The following SLC7A11 variants were observed in gnomAD, a reference collection of about 807,000 sequenced individuals.
SLC7A11 encodes the protein solute carrier family 7 member 11.
In SLC7A11, 35 loss-of-function variants were observed where a neutral mutation model predicts 54.5. The observed-to-expected ratio is 0.64, with a 90% CI of 0.49 to 0.85. The LOEUF (loss-of-function observed/expected upper bound fraction) is 0.85, where lower values mean the gene tolerates loss of function less well. SLC7A11 is among the 40% of genes least tolerant of loss of function. The probability of loss-of-function intolerance (pLI) is 0.00; values close to 1 mark genes in which losing one functional copy is unlikely to be tolerated. For missense variants in SLC7A11, 583 were observed against 618.1 expected, an observed-to-expected ratio of 0.94 and a Z score of 0.60; for synonymous variants, 230 against 225.2, an observed-to-expected ratio of 1.02 and a Z score of -0.19.
At chr4:138,186,844 A>T (rs1251368950) in intron 6 of SLC7A11, among the ~76,000 whole-genome samples, 3 of 152,164 alleles carry the variant, frequency 2.0e-5, no homozygotes, top group Non-Finnish European at 4.4e-5. Context: ...CACTCAGTGT[A>T]TTATTTTGAC....
chr4:138,237,282 C>T (rs879657361), intron 1 of SLC7A11, among the ~76,000 whole-genome samples: 6 of 151,348 alleles, frequency 4.0e-5, no homozygotes, highest in African/African-American at 7.3e-5. Context: ...CCACTGTGCA[C>T]GGCCAAGATT....
intron 11 of SLC7A11, among the ~76,000 whole-genome samples, chr4:138,178,519 A>T (rs1395660088): frequency 6.6e-6 from 1 of 152,112 alleles, no homozygotes; most frequent in African/African-American, 2.4e-5. Flanking sequence ...TACTGGGTCA[A>T]ATGATATTTC....
At chr4:138,188,225 G>A (rs1215553308) in intron 6 of SLC7A11, among the ~76,000 whole-genome samples, 2 of 152,092 alleles carry the variant, frequency 1.3e-5, no homozygotes, top group Admixed American at 1.3e-4. Context: ...ACTATACCCA[G>A]CTAATTTTTT....
chr4:138,213,139 A>T (rs1273334578), intron 6 of SLC7A11, among the ~76,000 whole-genome samples: 5 of 152,038 alleles, frequency 3.3e-5, no homozygotes, highest in Non-Finnish European at 7.4e-5. Flanking sequence ...GTCATTTCCA[A>T]GTAACGCTTA....
intron 3 of SLC7A11, among the ~76,000 whole-genome samples, chr4:138,226,026 T>C (rs1344718542): frequency 2.0e-5 from 3 of 152,154 alleles, no homozygotes; most frequent in African/African-American, 7.2e-5. Context: ...ACCTAATGTC[T>C]ATTGAAATAT....
intron 5 of SLC7A11, among the ~76,000 whole-genome samples, chr4:138,218,767 C>G (rs1417409620): frequency 6.6e-6 from 1 of 152,088 alleles, no homozygotes; most frequent in South Asian, 2.1e-4. Flanking sequence ...ATCTTGGTTT[C>G]TCTTTCTCTG....
Position 138,236,322 on chromosome 4 carries a change from T to TA in SLC7A11, c.404+2dup. On this transcript the variant is annotated splice_region_variant and intron_variant, in intron 2 of 11. Transcript: ENST00000280612. ...TTCTTAATTCTTTCTACTATGCTCT[T>TA]ACCGTATTATGAGGAGTTCCACCCA... is the stretch of plus-strand genomic sequence containing the variant. 6.2e-7 allele frequency: 1 copy of TA among 1,603,730 alleles called. No individual in the cohort carries two copies. Among genetic ancestry groups the TA allele is most frequent in the Non-Finnish European group, 8.5e-7 (1 of 1,176,952 alleles).
At chr4:138,189,070 G>T (rs773125296) in intron 6 of SLC7A11, among the ~76,000 whole-genome samples, 4 of 152,018 alleles carry the variant, frequency 2.6e-5, no homozygotes, top group Non-Finnish European at 4.4e-5. Flanking sequence ...TTTTAAATTG[G>T]CACTTACAAC....
chr4:138,192,184 A>G (rs879317941), intron 6 of SLC7A11, among the ~76,000 whole-genome samples: 8 of 152,174 alleles, frequency 5.3e-5, no homozygotes, highest in Non-Finnish European at 1.0e-4. Context: ...TTTCCAAAGT[A>G]TAAGTTATTT....
chr4:138,208,532 C>A (rs1737463786), intron 6 of SLC7A11, among the ~76,000 whole-genome samples: 1 of 151,820 alleles, frequency 6.6e-6, no homozygotes, highest in African/African-American at 2.4e-5. Flanking sequence ...ATAGTCACCA[C>A]AAAAGTCATG....
At position 138,223,192 on chromosome 4, in the gene SLC7A11, T is replaced by C. The variant is rs1305235750; in HGVS notation, c.646+7A>G. On this transcript the variant is annotated splice_region_variant and intron_variant, in intron 4 of 11. Transcript: ENST00000280612. ...ATTTTAAAAAGCATTTGCTTTTCAG[T>C]CCATACCTTTAATTAGCTGCATAAC... The C allele has an allele frequency of 6.2e-7, 1 of 1,611,482 alleles. No homozygotes were observed. Among genetic ancestry groups the C allele is most frequent in the South Asian group, 1.1e-5 (1 of 90,944 alleles).
At chr4:138,221,541 A>G (rs987632653) in intron 4 of SLC7A11, among the ~76,000 whole-genome samples, 1 of 152,210 alleles carries the variant, frequency 6.6e-6, no homozygotes, top group African/African-American at 2.4e-5. Context: ...ATGCGGTAAT[A>G]TTCTCAGGGA....
intron 1 of SLC7A11, among the ~76,000 whole-genome samples, chr4:138,239,973 T>C (rs1191910774): frequency 6.6e-6 from 1 of 152,214 alleles, no homozygotes; most frequent in African/African-American, 2.4e-5. Flanking sequence ...TCATTTAAGA[T>C]GATCAACAAT....
At chr4:138,208,714 T>C (rs1328172792) in intron 6 of SLC7A11, among the ~76,000 whole-genome samples, 1 of 152,072 alleles carries the variant, frequency 6.6e-6, no homozygotes, top group Non-Finnish European at 1.5e-5. Flanking sequence ...TGGACATTCA[T>C]GTCCCTCAAA....
At chr4:138,202,299 C>A (rs1005696168) in intron 6 of SLC7A11, among the ~76,000 whole-genome samples, 2 of 152,040 alleles carry the variant, frequency 1.3e-5, no homozygotes, top group African/African-American at 4.8e-5. Flanking sequence ...AGACACTCTA[C>A]TTAAGGTGAT....
At chr4:138,237,152 A>AT (rs1198432774) in intron 1 of SLC7A11, among the ~76,000 whole-genome samples, 40 of 150,456 alleles carry the variant, frequency 2.7e-4, no homozygotes, top group African/African-American at 8.3e-4. Flanking sequence ...CGCCTGGCTA[A>AT]TTTTTTTTGT....
Position 138,242,274 on chromosome 4 carries a change from T to A in SLC7A11, c.-205A>T. On this transcript the variant is annotated 5_prime_UTR_variant, in exon 1 of 12. The change abolishes an upstream ATG in the 5' untranslated region. Transcript: ENST00000280612. ...CTACTCAGAAACACCTGTGTATGCA[T>A]CGTGCTCTCAATTCTCCACCTCCTC... 1.7e-6 allele frequency: 1 copy of A among 605,290 alleles called. No homozygotes were observed. Among genetic ancestry groups the A allele is most frequent in the Non-Finnish European group, 2.9e-6 (1 of 346,000 alleles). 37.5% of individuals were successfully genotyped at this position (605,290 alleles called of 1,614,324 possible). A position where few individuals can be genotyped will look rare whatever the true frequency, so the allele number is the denominator to read the frequency against.
intron 11 of SLC7A11, among the ~76,000 whole-genome samples, chr4:138,174,972 A>ATT (rs140597937): frequency 6.6e-6 from 1 of 151,816 alleles, no homozygotes; most frequent in African/African-American, 2.4e-5. Flanking sequence ...GCACAAGGCC[A>ATT]TTTTTTTTCT....
chr4:138,238,997 T>C (rs1738309619), intron 1 of SLC7A11, among the ~76,000 whole-genome samples: 1 of 152,204 alleles, frequency 6.6e-6, no homozygotes, highest in Admixed American at 6.5e-5. Context: ...AGAATCTCTA[T>C]CATTTTAAAA....
Sources: gnomAD v4.1 joint callset for allele counts (sites outside exome capture counted in the v4.1 genomes callset) on GRCh38, gnomAD v4.1.1 for gene constraint, MANE v1.5 for transcripts, NCBI Gene and HGNC (gene_info 2026-07-23, HGNC 2026-07-21) for gene names.